The following MTMR6 variants were observed in gnomAD, a reference collection of about 807,000 sequenced individuals.
The protein encoded by MTMR6 is myotubularin related protein 6, also known as phosphatidylinositol-3,5-bisphosphate 3-phosphatase MTMR6.
In MTMR6, 47 loss-of-function variants were observed where a neutral mutation model predicts 80.1. That is an observed-to-expected ratio of 0.59 (90% CI 0.46 to 0.75). The LOEUF (loss-of-function observed/expected upper bound fraction) is 0.75. Ranked by LOEUF, MTMR6 falls within the 30% of genes least tolerant of loss-of-function variation. The pLI, the probability that MTMR6 is intolerant of heterozygous loss-of-function variation, is 0.00. For synonymous variants in MTMR6, 254 were observed against 253.0 expected, an observed-to-expected ratio of 1.00 and a Z score of -0.04; for missense variants, 629 against 730.9, an observed-to-expected ratio of 0.86 and a Z score of 1.61.
In MTMR6 at chr13:25,249,313, A is replaced by G. The variant is rs17082035; in HGVS notation, c.1785T>C (p.Tyr595=). Residue 595 remains tyrosine, a synonymous_variant, in exon 14 of 14, where the codon TAT becomes TAC. Transcript: ENST00000381801. ...IEGSSPADNR[Y]SEYAEEFSKS... ...TAGAAAACTCTTCTGCATATTCACT[A>G]TAACGATTATCTGCCGGGCTGCTGC... The G allele has an allele frequency of 0.078, 126,557 of 1,613,962 alleles. 5,303 individuals carry two copies. Among genetic ancestry groups the G allele is most frequent in the Admixed American group, 0.1 (6,215 of 60,022 alleles).
intron 11 of MTMR6, 40 bp from the exon 12 acceptor site, chr13:25,252,024 A>G (rs1957100557): frequency 6.3e-7 from 1 of 1,575,020 alleles, no homozygotes; most frequent in African/African-American, 1.4e-5. Flanking sequence ...TTTCCTATAG[A>G]TGCAAAGTAG....
Position 25,267,873 on chromosome 13 carries a change from T to A in MTMR6, c.210A>T (p.Ile70=). The A allele has an allele frequency of 6.2e-7, 1 of 1,613,654 alleles. No individual in the cohort carries two copies. Among genetic ancestry groups the A allele is most frequent in the Admixed American group, 1.7e-5 (1 of 59,978 alleles). ...ALTTSGCPLV[I]QCKNFRTVHF... ...GCACAGTTCTGAAGTTCTTGCACTGTATCACAAGGGGGCATCCAGAAGTAG... is the reference window on the plus strand; with the variant it reads ...GCACAGTTCTGAAGTTCTTGCACTGAATCACAAGGGGGCATCCAGAAGTAG... The change falls in exon 3 of 14, where the codon ATA becomes ATT. Residue 70 remains isoleucine, a synonymous_variant. Coordinates refer to ENST00000381801, the MANE Select transcript of MTMR6 (RefSeq NM_004685.5).
intron 5 of MTMR6, among the ~76,000 whole-genome samples, chr13:25,264,270 A>C (rs1261336748): frequency 6.6e-6 from 1 of 152,132 alleles, no homozygotes; most frequent in Non-Finnish European, 1.5e-5. Context: ...ATCCAAAAAA[A>C]AAAATGAAAA....
intron 1 of MTMR6, among the ~76,000 whole-genome samples, chr13:25,276,811 C>A (rs2137614269): frequency 6.6e-6 from 1 of 152,292 alleles, no homozygotes; most frequent in African/African-American, 2.4e-5. Context: ...CTAGTGAGGT[C>A]TCACTATGTG....
intron 6 of MTMR6, among the ~76,000 whole-genome samples, chr13:25,261,367 T>G (rs1957337647): frequency 6.7e-6 from 1 of 149,690 alleles, no homozygotes; most frequent in Admixed American, 6.7e-5. Context: ...TAACACACAT[T>G]TTATTATTTC....
At chr13:25,250,146 T>G (rs1337092558) in intron 13 of MTMR6, among the ~76,000 whole-genome samples, 1 of 152,166 alleles carries the variant, frequency 6.6e-6, no homozygotes, top group African/African-American at 2.4e-5. Flanking sequence ...TAAGGGAGAC[T>G]CCTGCCTGAG....
chr13:25,257,518 G>GA (rs1179092240), intron 8 of MTMR6, among the ~76,000 whole-genome samples, 197 bp from the exon 9 acceptor site: 1 of 150,844 alleles, frequency 6.6e-6, no homozygotes, highest in South Asian at 2.1e-4. Context: ...AAAAAACAAA[G>GA]AAAAAATGCC....
chr13:25,265,271 CCTAT>C (rs1213951009), intron 5 of MTMR6, among the ~76,000 whole-genome samples: 9 of 152,012 alleles, frequency 5.9e-5, no homozygotes, highest in Non-Finnish European at 8.8e-5. Context: ...GAAAGAGGAT[CCTAT>C]CTGTTAACTA....
At chr13:25,267,711 T>TTA in intron 3 of MTMR6, 68 bp downstream of exon 3, 1 of 1,446,614 alleles carries the variant, frequency 6.9e-7, no homozygotes, top group Non-Finnish European at 9.4e-7. Flanking sequence ...TAATAAAACA[T>TTA]TAAATAAAGT....
intron 1 of MTMR6, among the ~76,000 whole-genome samples, chr13:25,278,330 C>T (rs182227256): frequency 9.5e-4 from 144 of 152,284 alleles, no homozygotes; most frequent in African/African-American, 3.2e-3. Flanking sequence ...TGGTGGCTCA[C>T]GCCTGTAATC....
intron 1 of MTMR6, among the ~76,000 whole-genome samples, chr13:25,284,783 A>G (rs1957923141): frequency 6.6e-6 from 1 of 152,244 alleles, no homozygotes; most frequent in South Asian, 2.1e-4. Flanking sequence ...ATACATTAAT[A>G]ATTTAAGAAC....
In MTMR6 at chr13:25,248,950, T is replaced by C; in HGVS notation, c.*282A>G. 3.3e-6 allele frequency: 1 copy of C among 298,874 alleles called. No individual in the cohort carries two copies. The highest frequency in any genetic ancestry group is 6.2e-6 in the Non-Finnish European group (1 of 162,352). 18.5% of individuals were successfully genotyped at this position (298,874 alleles called of 1,614,324 possible). A position where few individuals can be genotyped will look rare whatever the true frequency, so the allele number is the denominator to read the frequency against. On this transcript the variant is annotated 3_prime_UTR_variant, in exon 14 of 14. Transcript: ENST00000381801. ...TTATGTTTGGCTGAATTAACATAAA[T>C]CATAAACGTCAATTCACTAGTGTAC...
At position 25,248,994 on chromosome 13, in the gene MTMR6, A is replaced by G. The variant is rs1290087477; in HGVS notation, c.*238T>C. The G allele has an allele frequency of 3.6e-5, 18 of 497,440 alleles. No homozygotes were observed. The highest frequency in any genetic ancestry group is 5.7e-5 in the African/African-American group (3 of 52,288). 30.8% of individuals were successfully genotyped at this position (497,440 alleles called of 1,614,324 possible). A position where few individuals can be genotyped will look rare whatever the true frequency, so the allele number is the denominator to read the frequency against. On this transcript the variant is annotated 3_prime_UTR_variant, in exon 14 of 14. Coordinates refer to ENST00000381801, the MANE Select transcript of MTMR6 (RefSeq NM_004685.5). Reference sequence around the variant, plus strand: ...AGTGTACAGTGCAAATTGTGTTTTGAGTAAATACATCAAATACCACTCATT... The same window carrying G: ...AGTGTACAGTGCAAATTGTGTTTTGGGTAAATACATCAAATACCACTCATT...
rs1450031002 is a variant in MTMR6 at position 25,251,089 on chromosome 13, T to C, written c.1605+560A>G. Among the ~76,000 whole-genome samples, 1 of 152,176 alleles carries C rather than the reference T, an allele frequency of 6.6e-6. No individual in the cohort carries two copies. The highest frequency in any genetic ancestry group is 6.5e-5 in the Admixed American group (1 of 15,286). ...TGGAGTGCAGAGGCATGATCTTGGC[T>C]CACTGCAACCTCCGCCTCCCAGGTT... On this transcript the variant is annotated intron_variant, in intron 13 of 13. Transcript: ENST00000381801. This position sits in a 1 kb window ranked among gnomAD's most constrained non-coding sequence, Gnocchi z 4.1.
At chr13:25,269,688 T>C (rs1407517993) in intron 2 of MTMR6, among the ~76,000 whole-genome samples, 3 of 151,162 alleles carry the variant, frequency 2.0e-5, no homozygotes, top group East Asian at 3.9e-4. Context: ...TATGTTAATA[T>C]TAATTATACA....
intron 2 of MTMR6, among the ~76,000 whole-genome samples, chr13:25,268,988 A>G (rs918782465): frequency 3.3e-5 from 5 of 152,196 alleles, no homozygotes; most frequent in Non-Finnish European, 5.9e-5. Context: ...ACATGTCCCA[A>G]TAGCCAAGCC....
chr13:25,280,158 G>C (rs1291839556), intron 1 of MTMR6, among the ~76,000 whole-genome samples: 1 of 152,220 alleles, frequency 6.6e-6, no homozygotes, highest in African/African-American at 2.4e-5. Flanking sequence ...TGTCACACTG[G>C]TTGCCATTCA....
intron 2 of MTMR6, among the ~76,000 whole-genome samples, chr13:25,268,496 G>A (rs1957502850): frequency 6.6e-6 from 1 of 152,112 alleles, no homozygotes; most frequent in Non-Finnish European, 1.5e-5. Flanking sequence ...CCCACTAACT[G>A]GAATACTGTT....
chr13:25,273,602 T>C (rs1420578765), intron 2 of MTMR6, among the ~76,000 whole-genome samples: 1 of 150,810 alleles, frequency 6.6e-6, no homozygotes, highest in Non-Finnish European at 1.5e-5. Context: ...CTCGGCTCAC[T>C]GCAACCTCCG....
Sources: allele counts gnomAD v4.1 joint callset (sites outside exome capture counted in the v4.1 genomes callset), GRCh38; gene constraint gnomAD v4.1.1; non-coding constraint Gnocchi (gnomAD v3.1); transcripts MANE v1.5; gene names NCBI Gene and HGNC (gene_info 2026-07-23, HGNC 2026-07-21).